Variants in NLRC5 observed in about 807,000 individuals in gnomAD.
The protein encoded by NLRC5 is NLR family CARD domain containing 5.
In NLRC5, 114 loss-of-function variants were observed where a neutral mutation model predicts 206.9. The observed-to-expected ratio is 0.55, with a 90% CI of 0.47 to 0.64. NLRC5 has a LOEUF of 0.64. Among genes scored for constraint, NLRC5 ranks in the 30% least tolerant of loss-of-function variants. The pLI is 0.00. For synonymous variants in NLRC5, 952 were observed against 962.8 expected (o/e 0.99, Z 0.21); for missense variants, 2,008 against 2,305.5 (o/e 0.87, Z 2.64).
chr16:57,032,320 G>A (rs1420650479), intron 11 of NLRC5, among the ~76,000 whole-genome samples: 1 of 151,850 alleles, frequency 6.6e-6, no homozygotes, highest in African/African-American at 2.4e-5. Flanking sequence ...AGGATCGCTT[G>A]AGCCTGGGAG....
chr16:57,047,712 A>T, intron 23 of NLRC5, 84 bp downstream of exon 23: 2 of 1,156,458 alleles, frequency 1.7e-6, no homozygotes, highest in Non-Finnish European at 2.5e-6. Flanking sequence ...GTTAGAAGAC[A>T]GGTGAGTCTT....
rs536322436 is a variant in NLRC5, at chr16:57,058,578, C to G, written c.3831-394C>G. ...CAGGCAAGGGGCCTTAGGAAGTCAT[C>G]CACATGGTTGCCCCATCTCTCCCGT... On this transcript the variant is annotated intron_variant, in intron 28 of 48. Coordinates refer to ENST00000688547, the MANE Select transcript of NLRC5 (RefSeq NM_001384950.1). The G allele has an allele frequency of 1.1e-4, 36 of 319,730 alleles. No homozygotes were observed. In the East Asian group the frequency reaches 2.3e-3, roughly 20 times the overall value. 19.8% of individuals were successfully genotyped at this position (319,730 alleles called of 1,614,324 possible). A position where few individuals can be genotyped will look rare whatever the true frequency, so the allele number is the denominator to read the frequency against.
chr16:57,066,307 T>TAA (rs762177649), intron 33 of NLRC5, among the ~76,000 whole-genome samples: 5 of 138,664 alleles, frequency 3.6e-5, no homozygotes, highest in Non-Finnish European at 6.3e-5. Context: ...CCTGTCTCTT[T>TAA]AAAAAAAAAA....
At chr16:57,004,417 T>A (rs377500163) in intron 1 of NLRC5, 5 of 152,248 alleles carry the variant, frequency 3.3e-5, no homozygotes, top group Non-Finnish European at 5.9e-5. Flanking sequence ...CATAAGCCAA[T>A]GTTTATTCGT....
intron 23 of NLRC5, among the ~76,000 whole-genome samples, chr16:57,049,053 G>T (rs2064426128): frequency 6.6e-6 from 1 of 151,420 alleles, no homozygotes; most frequent in African/African-American, 2.4e-5. Context: ...AGAAGAAAAA[G>T]AATTGTCTTG....
intron 28 of NLRC5, 62 bp from the exon 29 acceptor site, chr16:57,058,909 GC>G: frequency 1.5e-6 from 2 of 1,342,820 alleles, no homozygotes; most frequent in South Asian, 2.3e-5. Flanking sequence ...GATGGAGGGG[GC>G]TGGGCAGGGC....
intron 1 of NLRC5, chr16:57,013,837 A>G: frequency 4.4e-6 from 3 of 685,854 alleles, no homozygotes; most frequent in South Asian, 1.5e-5. Context: ...AAGTTATTTC[A>G]TCCGATACTT....
chr16:57,026,775 A>C lies in NLRC5; in HGVS notation c.1832A>C (p.Lys611Thr). 1 of 1,614,126 alleles carries C rather than the reference A, an allele frequency of 6.2e-7. No individual in the cohort carries two copies. The highest frequency in any genetic ancestry group is 8.5e-7 in the Non-Finnish European group (1 of 1,179,988). ...GCCACCCGCAAGCTCACAGGGCCAAAGGTTGTAGAGCTGTGTCACTGTGTG... is the reference window on the plus strand; with the variant it reads ...GCCACCCGCAAGCTCACAGGGCCAACGGTTGTAGAGCTGTGTCACTGTGTG... ...KLATRKLTGP[K>T]VVELCHCVDE... Residue 611 changes from lysine to threonine, a missense_variant, in exon 6 of 49, where the codon AAG (lysine) becomes ACG (threonine). By Grantham distance (78) the Lys-to-Thr change is moderately conservative (BLOSUM62 -1). Transcript: ENST00000688547.
At chr16:57,049,600 G>A (rs1778870521) in intron 23 of NLRC5, among the ~76,000 whole-genome samples, 1 of 152,060 alleles carries the variant, frequency 6.6e-6, no homozygotes, top group South Asian at 2.1e-4. Context: ...GCCAGGCATG[G>A]TGGTGCACCC....
At chr16:57,013,823 G>C in intron 1 of NLRC5, 1 of 701,574 alleles carries the variant, frequency 1.4e-6, no homozygotes, top group Non-Finnish European at 2.6e-6. Flanking sequence ...AGTATCTCCA[G>C]CATAAGTTAT....
rs145574200 is a variant in NLRC5, at chr16:57,081,557, G to A, written c.5436G>A (p.Gly1812=). 3.1e-6 allele frequency: 5 copies of A among 1,613,984 alleles called. No homozygotes were observed. In the African/African-American group the frequency reaches 6.7e-5, roughly 22 times the overall value. ...DLEKNQITAL[G]AWLLAEGLAQ... ...AGAAGAATCAGATCACAGCTTTGGG[G>A]GCCTGGCTCCTGGCTGAAGGACTGG... is the stretch of plus-strand genomic sequence containing the variant. Residue 1812 remains glycine, a synonymous_variant, in exon 48 of 49, where the codon GGG becomes GGA. Transcript: ENST00000688547.
At chr16:57,045,864 T>C (rs1406064489) in intron 21 of NLRC5, among the ~76,000 whole-genome samples, 1 of 152,220 alleles carries the variant, frequency 6.6e-6, no homozygotes, top group African/African-American at 2.4e-5. Context: ...TCACTGCCCT[T>C]TCACGCTCTG....
At position 57,082,664 on chromosome 16, in the gene NLRC5, T is replaced by A; in HGVS notation, c.*136T>A. The stretch of plus-strand genomic sequence containing the variant: ...CACTCCACCCAGGAGGAAGGATACG[T>A]GTGTCCTGCTGCAGTCCTCAGGGAG... On this transcript the variant is annotated 3_prime_UTR_variant, in exon 49 of 49. Coordinates refer to ENST00000688547, the MANE Select transcript of NLRC5 (RefSeq NM_001384950.1). 1 of 626,382 alleles carries A rather than the reference T, an allele frequency of 1.6e-6. No individual in the cohort carries two copies. The highest frequency in any genetic ancestry group is 2.8e-6 in the Non-Finnish European group (1 of 363,044). The allele number at this position is 626,382 out of a possible 1,614,324, so 38.8% of individuals were successfully genotyped here. A position where few individuals can be genotyped will look rare whatever the true frequency, so the allele number is the denominator to read the frequency against.
Position 57,025,501 on chromosome 16 carries a change from A to C in NLRC5, c.558A>C (p.Ala186=), listed in dbSNP as rs1200166926. 2 of 1,613,480 alleles carry C rather than the reference A, an allele frequency of 1.2e-6. No individual in the cohort carries two copies. The highest frequency in any genetic ancestry group is 3.3e-5 in the Admixed American group (2 of 59,950). The change falls in exon 6 of 49, where the codon GCA becomes GCC. Residue 186 remains alanine (A), a synonymous_variant. Transcript: ENST00000688547. ...CTCCAATCCTGCGCCGGGCCACAGCATCCTTAGACACTCCGGAGGGGGCCA... is the reference window on the plus strand; with the variant it reads ...CTCCAATCCTGCGCCGGGCCACAGCCTCCTTAGACACTCCGGAGGGGGCCA... The part of the protein sequence containing the change: ...YVPPILRRAT[A]SLDTPEGAIM...
intron 2 of NLRC5, among the ~76,000 whole-genome samples, chr16:57,018,708 G>T (rs1473959963): frequency 1.3e-5 from 2 of 152,140 alleles, no homozygotes; most frequent in African/African-American, 4.8e-5. Context: ...GGACTCTCTG[G>T]AGTTGTGAGG....
intron 2 of NLRC5, among the ~76,000 whole-genome samples, chr16:57,019,719 C>T (rs192356869): frequency 1.3e-5 from 2 of 152,346 alleles, no homozygotes; most frequent in Admixed American, 1.3e-4. Context: ...TTTCTACTTA[C>T]ATTCCACTGG....
At position 57,079,559 on chromosome 16, in the gene NLRC5, A is replaced by G. The variant is rs199476019; in HGVS notation, c.5251A>G (p.Lys1751Glu). The G allele has an allele frequency of 6.2e-7, 1 of 1,614,016 alleles. No homozygotes were observed. Among genetic ancestry groups the G allele is most frequent in the East Asian group, 2.2e-5 (1 of 44,866 alleles). Residue 1751 changes from lysine to glutamate, a missense_variant, in exon 46 of 49, where the codon AAG (lysine) becomes GAG (glutamate). Physicochemically the swap from Lys to Glu is moderately conservative, Grantham distance 56. Transcript: ENST00000688547. The part of the protein sequence containing the change: ...LLRQIDLVSC[K>E]IDNQTAKLLT... ...CTCCATCCCCAGCCTGGTTTCCTGT[A>G]AGATTGACAACCAGACTGCCAAGCT...
At chr16:57,061,321 C>CCT in intron 30 of NLRC5, 127 bp from the exon 31 acceptor site, 1 of 899,558 alleles carries the variant, frequency 1.1e-6, no homozygotes, top group African/African-American at 1.7e-5. Flanking sequence ...CCTCTCAGGC[C>CCT]CTGCTCCAGG....
At chr16:57,068,904 G>A (rs1351049735) in intron 36 of NLRC5, among the ~76,000 whole-genome samples, 1 of 152,214 alleles carries the variant, frequency 6.6e-6, no homozygotes, top group East Asian at 1.9e-4. Context: ...TTTATAGAAT[G>A]TCCTTCCACT....
Sources: gnomAD v4.1 joint callset for allele counts (sites outside exome capture counted in the v4.1 genomes callset) on GRCh38, gnomAD v4.1.1 for gene constraint, MANE v1.5 for transcripts, NCBI Gene and HGNC (gene_info 2026-07-23, HGNC 2026-07-21) for gene names.